Variants in TACC1 observed in about 807,000 individuals in gnomAD.
TACC1 encodes transforming acidic coiled-coil containing protein 1.
In TACC1, 48 loss-of-function variants were observed where a neutral mutation model predicts 84.4. The observed-to-expected ratio is 0.57, with a 90% CI of 0.45 to 0.72. The LOEUF (loss-of-function observed/expected upper bound fraction) is 0.72, where lower values mean the gene tolerates loss of function less well. TACC1 is among the 30% of genes least tolerant of loss of function. The pLI, the probability that TACC1 is intolerant of heterozygous loss-of-function variation, is 0.00. For synonymous variants in TACC1, 372 were observed against 376.3 expected, an observed-to-expected ratio of 0.99 and a Z score of 0.13; for missense variants, 920 against 973.0, an observed-to-expected ratio of 0.95 and a Z score of 0.72.
chr8:38,825,813 T>C (rs1563832257), intron 4 of TACC1, among the ~76,000 whole-genome samples: 1 of 152,218 alleles, frequency 6.6e-6, no homozygotes, highest in Non-Finnish European at 1.5e-5. Context: ...TGGTAGATTT[T>C]TTTGGGCACA....
upstream of TACC1, among the ~76,000 whole-genome samples, chr8:38,784,876 T>C (rs1207657276): frequency 6.6e-6 from 1 of 152,228 alleles, no homozygotes; most frequent in Non-Finnish European, 1.5e-5. Context: ...AAATATGTTA[T>C]ATATGGTGTG....
chr8:38,825,249 A>G, intron 3 of TACC1, 59 bp from the exon 4 acceptor site: 6 of 1,580,288 alleles, frequency 3.8e-6, no homozygotes, highest in East Asian at 2.2e-5. Context: ...TCCATTTCAT[A>G]CCTTGACAAT....
intron 3 of TACC1, among the ~76,000 whole-genome samples, chr8:38,749,834 C>A (rs1323515365): frequency 6.6e-6 from 1 of 152,134 alleles, no homozygotes; most frequent in Non-Finnish European, 1.5e-5. Context: ...TCATGATCCA[C>A]CCACCTCAGT....
At position 38,836,229 on chromosome 8, in the gene TACC1, A is replaced by G; in HGVS notation, c.1781A>G (p.Asp594Gly). The G allele has an allele frequency of 1.2e-6, 2 of 1,613,176 alleles. No homozygotes were observed. Among genetic ancestry groups the G allele is most frequent in the Non-Finnish European group, 1.7e-6 (2 of 1,179,870 alleles). ...SVSCGGESPLDGICLSESDKT... is the reference protein window; with the variant it reads ...SVSCGGESPLGGICLSESDKT... ...TCCTGTGGAGGTGAGAGCCCCCTGG[A>G]TGGGATCTGCCTCAGCGAATCAGAC... Residue 594 changes from aspartate to glycine, a missense_variant, in exon 7 of 13, where the codon GAT becomes GGT. Physicochemically the swap from Asp to Gly is moderately conservative, Grantham distance 94. Around this residue, in one of 2 missense-constraint regions of TACC1, gnomAD observed 762 missense variants for 747.3 expected, o/e 1.02. Coordinates refer to ENST00000317827, the MANE Select transcript of TACC1 (RefSeq NM_006283.3).
chr8:38,771,026 T>C (rs1206460579), intron 3 of TACC1, among the ~76,000 whole-genome samples: 2 of 152,128 alleles, frequency 1.3e-5, no homozygotes, highest in African/African-American at 4.8e-5. Flanking sequence ...TAAAAGGGAT[T>C]ATTGAACCAA....
chr8:38,826,893 A>G (rs937001206), intron 4 of TACC1, among the ~76,000 whole-genome samples: 1 of 152,224 alleles, frequency 6.6e-6, no homozygotes, highest in Non-Finnish European at 1.5e-5. Flanking sequence ...ATTGAAAACC[A>G]TTGTCTTAAA....
At chr8:38,745,734 G>A (rs894114941) in intron 3 of TACC1, among the ~76,000 whole-genome samples, 2 of 152,124 alleles carry the variant, frequency 1.3e-5, no homozygotes, top group Admixed American at 6.6e-5. Flanking sequence ...AGTAGAGACA[G>A]GGTTTCACCA....
chr8:38,796,380 G>A (rs1819985414), intron 2 of TACC1, among the ~76,000 whole-genome samples: 1 of 152,206 alleles, frequency 6.6e-6, no homozygotes, highest in Admixed American at 6.5e-5. Context: ...CATATCAGAG[G>A]AAATAAAGGG....
At chr8:38,809,809 C>CT in intron 2 of TACC1, among the ~76,000 whole-genome samples, 1 of 152,266 alleles carries the variant, frequency 6.6e-6, no homozygotes, top group African/African-American at 2.4e-5. Context: ...CTCCTGACAG[C>CT]TGAGTGTTGG....
chr8:38,782,227 G>A (rs1262616340), intron 3 of TACC1, among the ~76,000 whole-genome samples: 1 of 151,436 alleles, frequency 6.6e-6, no homozygotes, highest in Non-Finnish European at 1.5e-5. Context: ...GTGTCCATGT[G>A]ATCTCACTGT....
intron 5 of TACC1, among the ~76,000 whole-genome samples, chr8:38,828,339 C>T (rs1412200673): frequency 6.6e-6 from 1 of 152,208 alleles, no homozygotes; most frequent in East Asian, 1.9e-4. Flanking sequence ...TCTTTTTCCT[C>T]ACCACAAGGT....
Position 38,787,347 on chromosome 8 carries a change from C to G in TACC1, c.-236C>G. On this transcript the variant is annotated 5_prime_UTR_variant, in exon 1 of 13. Transcript: ENST00000317827. ...TCTTCCCGGCTAGTGGAGCCCGGCGCGGGGCCCGCTGCGGCCGCACCGTGA... is the reference window on the plus strand; with the variant it reads ...TCTTCCCGGCTAGTGGAGCCCGGCGGGGGGCCCGCTGCGGCCGCACCGTGA... 7.7e-7 allele frequency: 1 copy of G among 1,302,242 alleles called. No individual in the cohort carries two copies. The highest frequency in any genetic ancestry group is 2.1e-5 in the South Asian group (1 of 46,950). The allele number at this position is 1,302,242 out of a possible 1,614,324, so 80.7% of individuals were successfully genotyped here.
rs1417042270 is a variant in TACC1 at position 38,798,624 on chromosome 8, T to C, written c.277+9805T>C. Among the ~76,000 whole-genome samples, 2 of 151,634 alleles carry C rather than the reference T, an allele frequency of 1.3e-5. 1 individual carries two copies. The highest frequency in any genetic ancestry group is 4.2e-4 in the South Asian group (2 of 4,792). ...GGTTCTGCGTGTGTGTGTGTGTGTGTGTGTGTGTGTGTGTGTATGTGTATT... is the reference window on the plus strand; with the variant it reads ...GGTTCTGCGTGTGTGTGTGTGTGTGCGTGTGTGTGTGTGTGTATGTGTATT... On this transcript the variant is annotated intron_variant, in intron 2 of 12. Transcript: ENST00000317827.
rs113208435 is a variant in TACC1, at chr8:38,845,435, C to T, written c.2229-1264C>T. 7.9e-3 allele frequency among the ~76,000 whole-genome samples: 1,206 copies of T among 152,138 alleles called. 12 individuals are homozygous for T. The highest frequency in any genetic ancestry group is 0.012 in the Non-Finnish European group (832 of 67,990). On this transcript the variant is annotated intron_variant, in intron 11 of 12. Coordinates refer to ENST00000317827, the MANE Select transcript of TACC1 (RefSeq NM_006283.3). Reference sequence around the variant, plus strand: ...TATCCCTCTAGTCGTTTCTTTGTGTCTTTATAAATACTATGATTTTGAACT... The same window carrying T: ...TATCCCTCTAGTCGTTTCTTTGTGTTTTTATAAATACTATGATTTTGAACT...
intron 3 of TACC1, among the ~76,000 whole-genome samples, chr8:38,760,524 T>C (rs1811007964): frequency 6.6e-6 from 1 of 152,172 alleles, no homozygotes; most frequent in South Asian, 2.1e-4. Flanking sequence ...ATGGCAATAA[T>C]AATCAGACCT....
At chr8:38,765,119 C>G (rs144704202) in intron 3 of TACC1, among the ~76,000 whole-genome samples, 1 of 151,508 alleles carries the variant, frequency 6.6e-6, no homozygotes, top group East Asian at 1.9e-4. Context: ...AATTCCGTAT[C>G]ATAACCTCTC....
chr8:38,850,430 T>C lies in TACC1; in HGVS notation c.*2407T>C, dbSNP rs1832927415. ...AACTCTGGAGAGTAAGAATATAGTA[T>C]AGAGTTTGCCTCAACACATGTGAGG... On this transcript the variant is annotated 3_prime_UTR_variant, in exon 13 of 13. Transcript: ENST00000317827. 1 of 152,140 alleles carries C rather than the reference T, an allele frequency of 6.6e-6. No homozygotes were observed. Among genetic ancestry groups the C allele is most frequent in the Non-Finnish European group, 1.5e-5 (1 of 68,026 alleles). 9.4% of individuals were successfully genotyped at this position (152,140 alleles called of 1,614,324 possible).
intron 2 of TACC1, among the ~76,000 whole-genome samples, chr8:38,742,866 C>T (rs1057308408): frequency 2.3e-4 from 35 of 152,174 alleles, no homozygotes; most frequent in Admixed American, 1.3e-4. Context: ...AGGTGAGCAC[C>T]ACCGCAACTG....
At chr8:38,805,764 A>G (rs1822548736) in intron 2 of TACC1, 1 of 152,254 alleles carries the variant, frequency 6.6e-6, no homozygotes, top group African/African-American at 2.4e-5. Flanking sequence ...CTGCCAGTTT[A>G]AATGAATTAC....
Sources: allele counts gnomAD v4.1 joint callset (sites outside exome capture counted in the v4.1 genomes callset), GRCh38; gene constraint gnomAD v4.1.1; regional missense constraint gnomAD v4.1.1; transcripts MANE v1.5; gene names NCBI Gene and HGNC (gene_info 2026-07-23, HGNC 2026-07-21).